The following SKI variants were observed in gnomAD, a reference collection of about 807,000 sequenced individuals.
SKI encodes ski oncogene.
Under a neutral mutation model 59.3 loss-of-function variants are expected in SKI, and 23 were observed. The ratio of observed to expected loss-of-function variants is 0.39; its 90% CI spans 0.28 to 0.55. SKI has a LOEUF of 0.55. Ranked by LOEUF, SKI falls within the 20% of genes least tolerant of loss-of-function variation. The pLI, the probability that SKI is intolerant of heterozygous loss-of-function variation, is 0.67. For synonymous variants in SKI, 673 were observed against 488.6 expected (o/e 1.38, Z -4.98); for missense variants, 1,017 against 1,038.9 (o/e 0.98, Z 0.29).
rs1245051800 is a variant in SKI, at chr1:2,307,839, C to T, written c.*1074C>T. 1 of 152,668 alleles carries T rather than the reference C, an allele frequency of 6.6e-6. No homozygotes were observed. The highest frequency in any genetic ancestry group is 2.1e-4 in the South Asian group (1 of 4,832). The allele number at this position is 152,668 out of a possible 1,614,324, so 9.5% of individuals were successfully genotyped here. A position where few individuals can be genotyped will look rare whatever the true frequency, so the allele number is the denominator to read the frequency against. ...TCCGAAGTGCTCGAGTGCTTAGAAA[C>T]CCCCTCTGGTGCTTGGTTGAACAAG... On this transcript the variant is annotated 3_prime_UTR_variant, in exon 7 of 7. Coordinates refer to ENST00000378536, the MANE Select transcript of SKI (RefSeq NM_003036.4).
At chr1:2,261,703 C>T (rs1391497506) in intron 1 of SKI, among the ~76,000 whole-genome samples, 2 of 152,252 alleles carry the variant, frequency 1.3e-5, no homozygotes, top group Non-Finnish European at 2.9e-5. Flanking sequence ...AGTTTCACTT[C>T]TTCCTTTCCA....
chr1:2,257,960 A>T (rs904507526), intron 1 of SKI, among the ~76,000 whole-genome samples: 2 of 152,012 alleles, frequency 1.3e-5, no homozygotes, highest in African/African-American at 2.4e-5. Flanking sequence ...TTGGTCTCGA[A>T]CTCCCGACCT....
chr1:2,301,992 AAG>A (rs1557849928), intron 1 of SKI, among the ~76,000 whole-genome samples: 2 of 152,346 alleles, frequency 1.3e-5, no homozygotes, highest in East Asian at 3.9e-4. Flanking sequence ...TTTGCTTGGG[AAG>A]AGACCTTGGG....
intron 1 of SKI, among the ~76,000 whole-genome samples, chr1:2,230,187 C>A (rs909704582): frequency 6.6e-6 from 1 of 152,214 alleles, no homozygotes; most frequent in East Asian, 1.9e-4. Flanking sequence ...CACCCAGCCT[C>A]GAAGACGGAG....
Position 2,302,000 on chromosome 1 carries a change from T to A in SKI, c.970-978T>A, listed in dbSNP as rs187280646. ...CTGTGATTTTGCTTGGGAAGAGACC[T>A]TGGGTCTCAGTTGTGCCTTGCGGGC... On this transcript the variant is annotated intron_variant, in intron 1 of 6. Coordinates refer to ENST00000378536, the MANE Select transcript of SKI (RefSeq NM_003036.4). 2.6e-3 allele frequency among the ~76,000 whole-genome samples: 393 copies of A among 152,368 alleles called. 2 individuals are homozygous for A. Among genetic ancestry groups the A allele is most frequent in the African/African-American group, 9.0e-3 (375 of 41,584 alleles).
intron 1 of SKI, among the ~76,000 whole-genome samples, chr1:2,259,193 G>T (rs939912142): frequency 2.0e-5 from 3 of 152,186 alleles, no homozygotes; most frequent in African/African-American, 7.2e-5. Flanking sequence ...ACGCCCCACC[G>T]CCCTCGCCGG....
At chr1:2,297,498 C>G (rs867888021) in intron 1 of SKI, among the ~76,000 whole-genome samples, 2 of 152,206 alleles carry the variant, frequency 1.3e-5, no homozygotes, top group Non-Finnish European at 1.5e-5. Flanking sequence ...TGTGGGCGAT[C>G]CTGCCGCTCC....
At chr1:2,274,408 G>A (rs1176999076) in intron 1 of SKI, among the ~76,000 whole-genome samples, 1 of 152,094 alleles carries the variant, frequency 6.6e-6, no homozygotes, top group Non-Finnish European at 1.5e-5. Context: ...CGGCTGTGCT[G>A]CGTGGGGTGC....
At chr1:2,305,582 G>T (rs777765594) in intron 5 of SKI, among the ~76,000 whole-genome samples, 6 of 152,144 alleles carry the variant, frequency 3.9e-5, no homozygotes, top group African/African-American at 1.4e-4. Context: ...TGGGGAGAGT[G>T]GGGGGGCTTG....
intron 1 of SKI, among the ~76,000 whole-genome samples, chr1:2,285,028 T>C (rs560893523): frequency 6.6e-6 from 1 of 152,248 alleles, no homozygotes; most frequent in East Asian, 1.9e-4. Flanking sequence ...TATGATTTCG[T>C]GTTTGGGCCA....
chr1:2,272,040 G>A (rs1179969240), intron 1 of SKI, among the ~76,000 whole-genome samples: 1 of 152,198 alleles, frequency 6.6e-6, no homozygotes, highest in Non-Finnish European at 1.5e-5. Context: ...GAGCGGAGGG[G>A]CTTGGGGGCC....
At chr1:2,266,734 G>A (rs1453003728) in intron 1 of SKI, among the ~76,000 whole-genome samples, 1 of 152,160 alleles carries the variant, frequency 6.6e-6, no homozygotes, top group East Asian at 1.9e-4. Flanking sequence ...CAGCCACCCC[G>A]TTCATCCACT....
At chr1:2,282,451 C>A (rs1017226864) in intron 1 of SKI, among the ~76,000 whole-genome samples, 1 of 108,946 alleles carries the variant, frequency 9.2e-6, no homozygotes, top group Non-Finnish European at 2.0e-5. Context: ...CGGAGATCTT[C>A]AGAGAGAGGA....
At chr1:2,285,346 C>T (rs915762718) in intron 1 of SKI, among the ~76,000 whole-genome samples, 4 of 151,960 alleles carry the variant, frequency 2.6e-5, no homozygotes, top group African/African-American at 9.7e-5. Context: ...AACCCAATCT[C>T]TACTGAAAAT....
intron 1 of SKI, among the ~76,000 whole-genome samples, chr1:2,241,509 C>T (rs936811853): frequency 6.6e-6 from 1 of 152,184 alleles, no homozygotes; most frequent in African/African-American, 2.4e-5. Context: ...TCTCCTGCCT[C>T]AGCCTCCCGA....
intron 1 of SKI, among the ~76,000 whole-genome samples, chr1:2,255,333 G>A (rs970006292): frequency 8.5e-5 from 13 of 152,334 alleles, no homozygotes; most frequent in South Asian, 8.3e-4. Context: ...GACACCTTGC[G>A]TCTTGAGTTT....
chr1:2,259,678 G>A (rs895157234), intron 1 of SKI, among the ~76,000 whole-genome samples: 3 of 152,148 alleles, frequency 2.0e-5, no homozygotes, highest in African/African-American at 7.2e-5. Flanking sequence ...GAACCTGTCC[G>A]TCACCCAGAA....
In SKI at chr1:2,304,313, C is replaced by T; in HGVS notation, c.1495C>T (p.Leu499Phe). 11 of 1,551,706 alleles carry T rather than the reference C, an allele frequency of 7.1e-6. No individual in the cohort carries two copies. Among genetic ancestry groups the T allele is most frequent in the Non-Finnish European group, 9.6e-6 (11 of 1,146,918 alleles). ...CTCAGTCACCTCCTCCTTGTCCTCG[C>T]TCTCTTCCCCGTCCTTTACCTCATC... ...REEFTSSLSS[L>F]SSPSFTSSSS... Residue 499 changes from leucine to phenylalanine, a missense_variant, in exon 5 of 7, where the codon CTC (leucine) becomes TTC (phenylalanine). By Grantham distance (22) the Leu-to-Phe change is conservative. Transcript: ENST00000378536.
In SKI at chr1:2,229,706, G is replaced by T. The variant is rs1638588311; in HGVS notation, c.940G>T (p.Gly314Cys). ...CGACGTGAAGGAGAAATTCGACTATGGCAACAAGTACAAGCGGCGGGTGCC... is the reference window on the plus strand; with the variant it reads ...CGACGTGAAGGAGAAATTCGACTATTGCAACAAGTACAAGCGGCGGGTGCC... ...LDDVKEKFDY[G>C]NKYKRRVPRV... is the part of the protein sequence containing the mutation. The change falls in exon 1 of 7, where the codon GGC becomes TGC. Residue 314 changes from glycine (G) to cysteine (C), a missense_variant. Gly to Cys is a radical substitution (Grantham distance 159). Coordinates refer to ENST00000378536, the MANE Select transcript of SKI (RefSeq NM_003036.4). This position sits in a 1 kb window ranked among gnomAD's most constrained non-coding sequence, Gnocchi z 6.3. 1 of 1,589,234 alleles carries T rather than the reference G, an allele frequency of 6.3e-7. No homozygotes were observed. Among genetic ancestry groups the T allele is most frequent in the Non-Finnish European group, 8.6e-7 (1 of 1,168,718 alleles).
Sources: gnomAD v4.1 joint callset for allele counts (sites outside exome capture counted in the v4.1 genomes callset) on GRCh38, gnomAD v4.1.1 for gene constraint, Gnocchi (gnomAD v3.1) non-coding constraint, MANE v1.5 for transcripts, NCBI Gene and HGNC (gene_info 2026-07-23, HGNC 2026-07-21) for gene names.